Variants in SENP2 observed in about 807,000 individuals in gnomAD.
SENP2 encodes the protein sentrin-specific protease 2.
In SENP2, 16 loss-of-function variants were observed where a neutral mutation model predicts 86.3. The observed-to-expected ratio is 0.19, with a 90% CI of 0.13 to 0.28. The LOEUF is 0.28. Among genes scored for constraint, SENP2 ranks in the 10% least tolerant of loss-of-function variants. The pLI is 1.00. For missense variants in SENP2, 552 were observed against 703.0 expected (o/e 0.79, Z 2.43); for synonymous variants, 222 against 238.7 (o/e 0.93, Z 0.64).
chr3:185,621,776 A>C, intron 13 of SENP2, 50 bp from the exon 14 acceptor site: 3 of 1,087,492 alleles, frequency 2.8e-6, no homozygotes, highest in Non-Finnish European at 4.1e-6. Context: ...TAAAATTCTC[A>C]CTCCTCTTAC....
chr3:185,590,898 C>A (rs1289415825), intron 2 of SENP2, among the ~76,000 whole-genome samples: 4 of 116,610 alleles, frequency 3.4e-5, no homozygotes, highest in East Asian at 3.0e-4. Flanking sequence ...AAAAGAAAGT[C>A]TCCTTTTTTT....
intron 10 of SENP2, 84 bp downstream of exon 10, chr3:185,613,492 T>C: frequency 1.2e-6 from 1 of 821,322 alleles, no homozygotes; most frequent in Non-Finnish European, 2.0e-6. Flanking sequence ...AGAAAAAGTA[T>C]ATATATATAA....
intron 1 of SENP2, among the ~76,000 whole-genome samples, chr3:185,587,732 ATTTTTTT>A (rs59565990): frequency 2.7e-5 from 2 of 73,028 alleles, no homozygotes; most frequent in African/African-American, 5.9e-5. Context: ...ATGCCCGGCT[ATTTTTTT>A]TTTTTTTTTT....
At chr3:185,622,895 C>T (rs111753200) in intron 14 of SENP2, among the ~76,000 whole-genome samples, 68 of 145,596 alleles carry the variant, frequency 4.7e-4, no homozygotes, top group Middle Eastern at 3.6e-3. Context: ...CAGCTCACTG[C>T]AACCTCTGCC....
At chr3:185,611,771 T>G (rs1317787020) in intron 8 of SENP2, 26 bp downstream of exon 8, 2 of 1,507,626 alleles carry the variant, frequency 1.3e-6, no homozygotes, top group African/African-American at 1.4e-5. Flanking sequence ...TAGCCTTGTC[T>G]TAATATATTG....
chr3:185,591,909 T>A (rs555583707), intron 2 of SENP2, among the ~76,000 whole-genome samples: 1 of 151,450 alleles, frequency 6.6e-6, no homozygotes, highest in African/African-American at 2.4e-5. Context: ...GATTTTTGTA[T>A]TTTTTTTGTA....
chr3:185,616,724 G>A (rs1446936047), intron 11 of SENP2, among the ~76,000 whole-genome samples: 2 of 148,140 alleles, frequency 1.4e-5, no homozygotes, highest in East Asian at 2.0e-4. Flanking sequence ...GCAGTAAGCC[G>A]AGATGGCGCC....
chr3:185,610,689 G>A (rs1722657780), intron 7 of SENP2, among the ~76,000 whole-genome samples: 1 of 152,112 alleles, frequency 6.6e-6, no homozygotes, highest in Non-Finnish European at 1.5e-5. Context: ...TGGGCACAGT[G>A]GCTCACACCT....
intron 7 of SENP2, 69 bp downstream of exon 7, chr3:185,609,419 G>A (rs539424140): frequency 1.6e-4 from 174 of 1,114,214 alleles, no homozygotes; most frequent in Non-Finnish European, 2.3e-4. Context: ...AGAAAGTATT[G>A]GTGGGAAGGG....
chr3:185,623,889 T>C (rs1712012921), intron 14 of SENP2, 109 bp from the exon 15 acceptor site: 1 of 459,420 alleles, frequency 2.2e-6, no homozygotes, highest in South Asian at 6.0e-5. Flanking sequence ...CTAATGAATA[T>C]GGATTTGAGA....
At chr3:185,595,465 A>G (rs1436466015) in intron 2 of SENP2, among the ~76,000 whole-genome samples, 1 of 152,162 alleles carries the variant, frequency 6.6e-6, no homozygotes, top group East Asian at 1.9e-4. Flanking sequence ...AAATTTCTCA[A>G]ATTGGATTGT....
chr3:185,598,960 A>G lies in SENP2; in HGVS notation c.294A>G (p.Val98=). 6.2e-7 allele frequency: 1 copy of G among 1,611,690 alleles called. No individual in the cohort carries two copies. Among genetic ancestry groups the G allele is most frequent in the Non-Finnish European group, 8.5e-7 (1 of 1,178,712 alleles). ...AAGTGATTCTGTTTGATTTTAAGGT[A>G]TTTTCGAACTCTTCATCTTGTGAAC... ...GTRNVAPSGE[V]FSNSSSCELT... Residue 98 remains valine, a splice_region_variant and synonymous_variant, in exon 4 of 17, where the codon GTA becomes GTG. Coordinates refer to ENST00000296257, the MANE Select transcript of SENP2 (RefSeq NM_021627.3).
chr3:185,606,517 A>C lies in SENP2; in HGVS notation c.618+19A>C. On this transcript the variant is annotated intron_variant, in intron 6 of 16. Coordinates refer to ENST00000296257, the MANE Select transcript of SENP2 (RefSeq NM_021627.3). The stretch of plus-strand genomic sequence containing the variant: ...GGAGGAGGTAAGCCTTTTCAGCTTG[A>C]TTTCTTTAAAAAAAATTTTACAGCT... 2 of 1,552,636 alleles carry C rather than the reference A, an allele frequency of 1.3e-6. No individual in the cohort carries two copies. The highest frequency in any genetic ancestry group is 1.7e-6 in the Non-Finnish European group (2 of 1,154,604).
At chr3:185,616,791 C>A (rs182159992) in intron 11 of SENP2, among the ~76,000 whole-genome samples, 10,291 of 124,820 alleles carry the variant, frequency 0.082, 525 homozygotes, top group East Asian at 0.29. Flanking sequence ...AAAAAAAAAA[C>A]GTTTAAAGTG....
chr3:185,622,201 G>C (rs2148994372), intron 14 of SENP2, among the ~76,000 whole-genome samples: 1 of 152,282 alleles, frequency 6.6e-6, no homozygotes, highest in Non-Finnish European at 1.5e-5. Flanking sequence ...GGAACTGTTA[G>C]TTGGGGAGTG....
chr3:185,628,588 C>A (rs934711875), intron 16 of SENP2, among the ~76,000 whole-genome samples: 8 of 152,134 alleles, frequency 5.3e-5, no homozygotes, highest in Non-Finnish European at 1.0e-4. Flanking sequence ...CTCACTGCAA[C>A]CTCCGCCTCC....
At position 185,622,978 on chromosome 3, in the gene SENP2, G is replaced by A. The variant is rs114474252; in HGVS notation, c.1527-1020G>A. Reference sequence around the variant, plus strand: ...AGTACAGGCTTCCGTCACTATGCCCGGCTAATTTTTGAATTTTTAGTAGAG... The same window carrying A: ...AGTACAGGCTTCCGTCACTATGCCCAGCTAATTTTTGAATTTTTAGTAGAG... On this transcript the variant is annotated intron_variant, in intron 14 of 16. Transcript: ENST00000296257. Among the ~76,000 whole-genome samples, 1,218 of 151,744 alleles carry A rather than the reference G, an allele frequency of 8.0e-3. 5 individuals carry two copies. Among genetic ancestry groups the A allele is most frequent in the Non-Finnish European group, 0.011 (775 of 67,910 alleles).
At position 185,598,587 on chromosome 3, in the gene SENP2, A is replaced by G. The variant is rs770958414; in HGVS notation, c.291+42A>G. 5 of 1,559,006 alleles carry G rather than the reference A, an allele frequency of 3.2e-6. No homozygotes were observed. The Admixed American group carries it at 7.7e-5, about 24-fold the overall frequency. ...CTCCATTAGGAATACTGATCTTTAT[A>G]CTTAATCATTATATTTTAGAAAATT... On this transcript the variant is annotated intron_variant, in intron 3 of 16. Transcript: ENST00000296257.
At chr3:185,621,601 G>T (rs1426487197) in intron 13 of SENP2, among the ~76,000 whole-genome samples, 1 of 151,724 alleles carries the variant, frequency 6.6e-6, no homozygotes, top group Non-Finnish European at 1.5e-5. Flanking sequence ...TGTTGGTCAG[G>T]CTGGTCTCGA....
Sources: gnomAD v4.1 joint callset for allele counts (sites outside exome capture counted in the v4.1 genomes callset) on GRCh38, gnomAD v4.1.1 for gene constraint, MANE v1.5 for transcripts, NCBI Gene and HGNC (gene_info 2026-07-23, HGNC 2026-07-21) for gene names.